Variants in MAPKAPK2 observed in about 807,000 individuals in gnomAD.
MAPKAPK2 encodes the protein MAP kinase-activated protein kinase 2.
MAPKAPK2 carries 9 observed loss-of-function variants against 48.8 expected under a neutral mutation model. The ratio of observed to expected loss-of-function variants is 0.18; its 90% CI spans 0.11 to 0.32. The LOEUF (loss-of-function observed/expected upper bound fraction) is 0.32, where lower values mean the gene tolerates loss of function less well. Among genes scored for constraint, MAPKAPK2 ranks in the 10% least tolerant of loss-of-function variants. MAPKAPK2 has a pLI of 1.00. For missense variants in MAPKAPK2, 331 were observed against 498.3 expected, an observed-to-expected ratio of 0.66 and a Z score of 3.20; for synonymous variants, 202 against 190.6, an observed-to-expected ratio of 1.06 and a Z score of -0.49.
chr1:206,710,933 T>G (rs1292736346), intron 1 of MAPKAPK2, among the ~76,000 whole-genome samples: 2 of 152,234 alleles, frequency 1.3e-5, no homozygotes, highest in African/African-American at 4.8e-5. Context: ...ACACAATAAA[T>G]AGTTTTACTG....
chr1:206,709,879 A>C (rs1553429200), intron 1 of MAPKAPK2, among the ~76,000 whole-genome samples: 1 of 152,128 alleles, frequency 6.6e-6, no homozygotes, highest in Non-Finnish European at 1.5e-5. Context: ...CTATCTACCC[A>C]TGCCCCCAAG....
chr1:206,708,500 CT>C (rs1468103394), intron 1 of MAPKAPK2, among the ~76,000 whole-genome samples: 1 of 152,178 alleles, frequency 6.6e-6, no homozygotes, highest in Non-Finnish European at 1.5e-5. Flanking sequence ...ACCAGTCCAT[CT>C]TATTTTGGGG....
intron 1 of MAPKAPK2, among the ~76,000 whole-genome samples, chr1:206,722,982 T>C (rs569488109): frequency 6.6e-6 from 1 of 152,246 alleles, no homozygotes; most frequent in East Asian, 1.9e-4. Flanking sequence ...CTCCTGGGAG[T>C]GAAGAGGAGG....
intron 1 of MAPKAPK2, among the ~76,000 whole-genome samples, chr1:206,721,029 A>T (rs1553431142): frequency 6.6e-6 from 1 of 152,090 alleles, no homozygotes; most frequent in East Asian, 1.9e-4. Flanking sequence ...GTTTCTCCCA[A>T]ATCTCATGTT....
In MAPKAPK2 at chr1:206,732,467, C is replaced by A; in HGVS notation, c.1060-108C>A. 1.3e-6 allele frequency: 2 copies of A among 1,538,176 alleles called. No homozygotes were observed. Among genetic ancestry groups the A allele is most frequent in the Non-Finnish European group, 1.8e-6 (2 of 1,140,698 alleles). On this transcript the variant is annotated intron_variant, in intron 9 of 9. Coordinates refer to ENST00000367103, the MANE Select transcript of MAPKAPK2 (RefSeq NM_032960.4). This position sits in a 1 kb window ranked among gnomAD's most constrained non-coding sequence, Gnocchi z 4.4. ...TCTCTCTCTGCTCCCACCCCTGCCG[C>A]CCTCACCCTGCCCTTGTTGTCTCTG...
Position 206,734,070 on chromosome 1 carries a change from C to T in MAPKAPK2, c.*1352C>T, listed in dbSNP as rs1674032733. 1 of 152,706 alleles carries T rather than the reference C, an allele frequency of 6.5e-6. No homozygotes were observed. The highest frequency in any genetic ancestry group is 2.4e-5 in the African/African-American group (1 of 41,456). The allele number at this position is 152,706 out of a possible 1,614,324, so 9.5% of individuals were successfully genotyped here. On this transcript the variant is annotated 3_prime_UTR_variant, in exon 10 of 10. Transcript: ENST00000367103. The stretch of plus-strand genomic sequence containing the variant: ...GTGCCATGGCCCCCCACTCCCCCTT[C>T]CCTTGGAGGGAGAGGTGGCAGGAAT...
intron 1 of MAPKAPK2, among the ~76,000 whole-genome samples, chr1:206,710,025 AG>A (rs1330155302): frequency 2.0e-5 from 3 of 152,134 alleles, no homozygotes; most frequent in Non-Finnish European, 2.9e-5. Flanking sequence ...TCTTCCTGAA[AG>A]GTAATCACTG....
intron 1 of MAPKAPK2, chr1:206,696,197 C>T: frequency 6.6e-6 from 10 of 1,509,416 alleles, no homozygotes; most frequent in Non-Finnish European, 9.2e-6. Context: ...AATACATTCT[C>T]TCCTTCAGCC....
At chr1:206,702,227 A>C (rs188881954) in intron 1 of MAPKAPK2, among the ~76,000 whole-genome samples, 1 of 152,292 alleles carries the variant, frequency 6.6e-6, no homozygotes, top group Admixed American at 6.5e-5. Context: ...TGAGGTCATG[A>C]AATCCTTTGG....
chr1:206,708,793 G>A (rs957746262), intron 1 of MAPKAPK2, among the ~76,000 whole-genome samples: 6 of 151,976 alleles, frequency 3.9e-5, no homozygotes, highest in African/African-American at 1.2e-4. Flanking sequence ...ATACCCCCTC[G>A]CAAGTGATCA....
rs955877589 is a variant in MAPKAPK2, at chr1:206,707,382, C to T, written c.280-21328C>T. On this transcript the variant is annotated intron_variant, in intron 1 of 9. Coordinates refer to ENST00000367103, the MANE Select transcript of MAPKAPK2 (RefSeq NM_032960.4). ...AGGTAATAGACTTTGGTTTGAGAAA[C>T]ATACATCTCTCCCTCTTCTTTAAGA... Among the ~76,000 whole-genome samples, 7 of 152,100 alleles carry T rather than the reference C, an allele frequency of 4.6e-5. No homozygotes were observed. In the South Asian group the frequency reaches 1.5e-3, roughly 32 times the overall value.
intron 3 of MAPKAPK2, 99 bp from the exon 4 acceptor site, chr1:206,729,297 C>T: frequency 2.6e-6 from 3 of 1,161,688 alleles, no homozygotes; most frequent in Non-Finnish European, 2.6e-6. Flanking sequence ...TGGGGAGCCT[C>T]AGGCTGCACA....
Position 206,731,839 on chromosome 1 carries a change from C to T in MAPKAPK2, c.979C>T (p.Gln327Ter). Residue 327 changes from glutamine to a stop codon, truncating the protein, a stop_gained and splice_region_variant, in exon 9 of 10, where the codon CAA becomes TAA. Transcript: ENST00000367103. LOFTEE classifies it high-confidence loss of function. This position sits in a 1 kb window ranked among gnomAD's most constrained non-coding sequence, Gnocchi z 5.9. Reference protein sequence around the residue: ...TEFMNHPWIMQSTKVPQTPLH... With the variant: ...TEFMNHPWIM ...TCGGACCCCTTTTCTCTCTTCTCAG[C>T]AATCAACAAAGGTCCCTCAAACCCC... is the stretch of plus-strand genomic sequence containing the variant. The T allele has an allele frequency of 6.2e-7, 1 of 1,614,094 alleles. No individual in the cohort carries two copies. Among genetic ancestry groups the T allele is most frequent in the Non-Finnish European group, 8.5e-7 (1 of 1,179,984 alleles).
chr1:206,687,535 T>C (rs1460520430), intron 1 of MAPKAPK2, among the ~76,000 whole-genome samples: 1 of 152,158 alleles, frequency 6.6e-6, no homozygotes, highest in African/African-American at 2.4e-5. Context: ...TAAAACTTAA[T>C]AATGGAGGAA....
chr1:206,696,009 G>A (rs2102380113), intron 1 of MAPKAPK2: 1 of 780,046 alleles, frequency 1.3e-6, no homozygotes, highest in East Asian at 2.5e-5. Flanking sequence ...GTGTAGGGCA[G>A]TGATACCCAG....
intron 1 of MAPKAPK2, among the ~76,000 whole-genome samples, chr1:206,711,582 T>C (rs1306532558): frequency 6.6e-6 from 1 of 150,958 alleles, no homozygotes; most frequent in Non-Finnish European, 1.5e-5. Flanking sequence ...ACTTTTGATT[T>C]CAGTATGTCT....
rs1673910643 is a variant in MAPKAPK2 at position 206,731,515 on chromosome 1, T to C, written c.893-125T>C. 9.2e-7 allele frequency: 1 copy of C among 1,088,966 alleles called. No homozygotes were observed. The highest frequency in any genetic ancestry group is 1.8e-5 in the Admixed American group (1 of 55,480). The allele number at this position is 1,088,966 out of a possible 1,614,324, so 67.5% of individuals were successfully genotyped here. ...CAGCCGTAATGGTCCTTGGGGCCAG[T>C]TGCTCCGGCAGCCTGCCTCCATGCA... On this transcript the variant is annotated intron_variant, in intron 7 of 9. Transcript: ENST00000367103. The surrounding 1 kb of genome is among the most constrained non-coding windows in gnomAD (Gnocchi z 5.9).
intron 1 of MAPKAPK2, among the ~76,000 whole-genome samples, chr1:206,722,064 TC>T (rs1673536932): frequency 8.0e-6 from 1 of 124,390 alleles, no homozygotes; most frequent in Non-Finnish European, 1.7e-5. Flanking sequence ...AAACTCTATT[TC>T]AAAAAAAAAA....
chr1:206,689,065 A>G (rs782656551), intron 1 of MAPKAPK2, among the ~76,000 whole-genome samples: 5 of 152,178 alleles, frequency 3.3e-5, no homozygotes, highest in African/African-American at 7.2e-5. Context: ...TAGCTCAACA[A>G]ATTTAATTAA....
Sources: gnomAD v4.1 joint callset for allele counts (sites outside exome capture counted in the v4.1 genomes callset) on GRCh38, gnomAD v4.1.1 for gene constraint, Gnocchi (gnomAD v3.1) non-coding constraint, MANE v1.5 for transcripts, NCBI Gene and HGNC (gene_info 2026-07-23, HGNC 2026-07-21) for gene names.